Variants in ANK1 observed in about 807,000 individuals in gnomAD.
The protein encoded by ANK1 is ankyrin-1.
In ANK1, 51 loss-of-function variants were observed where a neutral mutation model predicts 210.4. The ratio of observed to expected loss-of-function variants is 0.24; its 90% confidence interval spans 0.19 to 0.31. The LOEUF (loss-of-function observed/expected upper bound fraction) is 0.31. ANK1 is among the 10% of genes least tolerant of loss of function. The probability of loss-of-function intolerance (pLI) is 1.00; values close to 1 mark genes in which losing one functional copy is unlikely to be tolerated. For synonymous variants in ANK1, 967 were observed against 1,025.9 expected, an observed-to-expected ratio of 0.94 and a Z score of 1.10; for missense variants, 2,051 against 2,504.4, an observed-to-expected ratio of 0.82 and a Z score of 3.86.
intron 2 of ANK1, among the ~76,000 whole-genome samples, chr8:41,742,897 C>T (rs1280153178): frequency 2.6e-5 from 4 of 152,280 alleles, no homozygotes; most frequent in East Asian, 3.9e-4. Context: ...AGGAAGTTGT[C>T]TACATAGTGG....
intron 3 of ANK1, among the ~76,000 whole-genome samples, chr8:41,728,541 A>T (rs1237339810): frequency 6.6e-6 from 1 of 152,142 alleles, no homozygotes; most frequent in African/African-American, 2.4e-5. Context: ...AGCTGCACTC[A>T]TACCCCCTCA....
At chr8:41,709,068 G>C in intron 16 of ANK1, 93 bp from the exon 17 acceptor site, 1 of 1,464,662 alleles carries the variant, frequency 6.8e-7, no homozygotes, top group Non-Finnish European at 9.4e-7. Context: ...GTTCTTGGCC[G>C]GCTGGACACC....
chr8:41,662,271 G>T (rs538508049), intron 40 of ANK1, among the ~76,000 whole-genome samples: 2 of 151,536 alleles, frequency 1.3e-5, no homozygotes, highest in Non-Finnish European at 2.9e-5. Flanking sequence ...AAAAAAAGGC[G>T]GGGGGGCTGG....
At chr8:41,810,460 A>T (rs1802316983) in intron 1 of ANK1, among the ~76,000 whole-genome samples, 2 of 152,244 alleles carry the variant, frequency 1.3e-5, no homozygotes, top group Non-Finnish European at 2.9e-5. Context: ...ACCTCCACAG[A>T]AGGAACGTGT....
At chr8:41,679,139 C>G (rs1000982141) in intron 37 of ANK1, among the ~76,000 whole-genome samples, 7 of 152,176 alleles carry the variant, frequency 4.6e-5, no homozygotes, top group Middle Eastern at 3.2e-3. Context: ...TTCAATGGAT[C>G]GATTTTTCTC....
chr8:41,737,253 C>G (rs79033126), intron 2 of ANK1, among the ~76,000 whole-genome samples: 30,078 of 152,082 alleles, frequency 0.2, 3,703 homozygotes, highest in South Asian at 0.28. Flanking sequence ...AAGCAGAGAT[C>G]ACACCACTGA....
chr8:41,780,481 G>T (rs528345963), intron 1 of ANK1, among the ~76,000 whole-genome samples: 1 of 152,330 alleles, frequency 6.6e-6, no homozygotes, highest in East Asian at 1.9e-4. Context: ...CTCTTCTCTG[G>T]GGGGTGAGAC....
At chr8:41,721,956 G>A (rs374353715) in intron 9 of ANK1, among the ~76,000 whole-genome samples, 6 of 152,326 alleles carry the variant, frequency 3.9e-5, no homozygotes, top group African/African-American at 1.4e-4. Flanking sequence ...TTCTGGCCAT[G>A]TATTATGTTT....
chr8:41,738,843 C>T (rs1456685687), intron 2 of ANK1, among the ~76,000 whole-genome samples: 1 of 152,226 alleles, frequency 6.6e-6, no homozygotes, highest in Non-Finnish European at 1.5e-5. Context: ...AAATGGCAGA[C>T]AGGCTGTTAA....
upstream of ANK1, chr8:41,797,639 GCGGGCCAGGCCCC>G (rs1849027593): frequency 8.9e-6 from 14 of 1,564,876 alleles, 1 homozygote; most frequent in South Asian, 1.4e-4. This position sits in a 1 kb window ranked among gnomAD's most constrained non-coding sequence, Gnocchi z 4.0. Flanking sequence ...CCTGTGACGT[GCGGGCCAGGCCCC>G]CGAGGGCCTT....
At chr8:41,754,227 A>G (rs515791) in intron 2 of ANK1, among the ~76,000 whole-genome samples, 125,606 of 152,254 alleles carry the variant, frequency 0.82, 52,288 homozygotes, top group East Asian at 0.88. Context: ...GAAGTACATT[A>G]GACACAGGCA....
Position 41,702,100 on chromosome 8 carries a change from A to T in ANK1, c.2340T>A (p.Ile780=). The part of the protein sequence containing the change: ...PLAIAKRLGY[I]SVTDVLKVVT... ...CGACCTTGAGCACGTCGGTGACAGA[A>T]ATGTAGCCCAAGCGCTTGGCTATGG... Residue 780 remains isoleucine, a synonymous_variant, in exon 21 of 43, where the codon ATT becomes ATA. Transcript: ENST00000289734. The T allele has an allele frequency of 6.2e-7, 1 of 1,614,188 alleles. No individual in the cohort carries two copies. The highest frequency in any genetic ancestry group is 8.5e-7 in the Non-Finnish European group (1 of 1,180,044).
intron 1 of ANK1, among the ~76,000 whole-genome samples, chr8:41,836,514 C>T (rs763018136): frequency 6.6e-6 from 1 of 152,220 alleles, no homozygotes; most frequent in Non-Finnish European, 1.5e-5. Context: ...GCTCCCGGTC[C>T]CCCTCCCCTG....
At chr8:41,881,430 T>C (rs1817570244) in intron 1 of ANK1, among the ~76,000 whole-genome samples, 1 of 152,212 alleles carries the variant, frequency 6.6e-6, no homozygotes. Context: ...TGTGTCTTTG[T>C]CTGTATCTGT....
At chr8:41,856,319 G>A (rs1317123781) in intron 1 of ANK1, among the ~76,000 whole-genome samples, 6 of 152,196 alleles carry the variant, frequency 3.9e-5, no homozygotes, top group African/African-American at 1.4e-4. Context: ...TTCTAAGGAG[G>A]ACTGCACCTC....
intron 40 of ANK1, among the ~76,000 whole-genome samples, chr8:41,662,276 G>A (rs377690524): frequency 4.6e-5 from 7 of 152,128 alleles, no homozygotes; most frequent in East Asian, 1.9e-4. Context: ...AAGGCGGGGG[G>A]GCTGGTCAAG....
intron 1 of ANK1, chr8:41,829,990 G>A (rs1806303468): frequency 1.4e-5 from 2 of 146,792 alleles, no homozygotes; most frequent in Non-Finnish European, 1.5e-5. Context: ...GTTTTTATAA[G>A]TGAGGTCTCC....
intron 1 of ANK1, among the ~76,000 whole-genome samples, chr8:41,889,124 G>T (rs1818961808): frequency 6.6e-6 from 1 of 152,210 alleles, no homozygotes; most frequent in Non-Finnish European, 1.5e-5. Flanking sequence ...ACTGGCATGA[G>T]TCACTGTGCC....
intron 1 of ANK1, among the ~76,000 whole-genome samples, chr8:41,859,133 A>T (rs1351203755): frequency 6.6e-6 from 1 of 152,218 alleles, no homozygotes; most frequent in African/African-American, 2.4e-5. Context: ...CAGGCCCCCC[A>T]CGGGGTCTCT....
Sources: allele counts gnomAD v4.1 joint callset (sites outside exome capture counted in the v4.1 genomes callset), GRCh38; gene constraint gnomAD v4.1.1; non-coding constraint Gnocchi (gnomAD v3.1); transcripts MANE v1.5; gene names NCBI Gene and HGNC (gene_info 2026-07-23, HGNC 2026-07-21).